The following ZBTB40 variants were observed in gnomAD, a reference collection of about 807,000 sequenced individuals.
The protein encoded by ZBTB40 is zinc finger and BTB domain containing 40, also known as zinc finger and BTB domain-containing protein 40.
Under a neutral mutation model 117.5 loss-of-function variants are expected in ZBTB40, and 60 were observed. That is an observed-to-expected ratio of 0.51 (90% CI 0.41 to 0.63). The LOEUF is 0.63. Ranked by LOEUF, ZBTB40 falls within the 30% of genes least tolerant of loss-of-function variation. The pLI, the probability that ZBTB40 is intolerant of heterozygous loss-of-function variation, is 0.00. For missense variants in ZBTB40, 1,287 were observed against 1,498.5 expected, an observed-to-expected ratio of 0.86 and a Z score of 2.33; for synonymous variants, 525 against 577.1, an observed-to-expected ratio of 0.91 and a Z score of 1.29.
chr1:22,433,663 C>A (rs1640632330), intron 1 of ZBTB40, among the ~76,000 whole-genome samples: 1 of 144,750 alleles, frequency 6.9e-6, no homozygotes, highest in Non-Finnish European at 1.5e-5. Flanking sequence ...CCCTGTAGTC[C>A]TAGAACTAAC....
Position 22,471,722 on chromosome 1 carries a change from C to T in ZBTB40, c.-69-18158C>T, listed in dbSNP as rs562397781. On this transcript the variant is annotated intron_variant, in intron 1 of 17. Transcript: ENST00000375647. ...TTAATCACCTCCTATTCACCCCATC[C>T]GAAGAGAGAGGGATTTCCACTGTAG... 6.6e-5 allele frequency among the ~76,000 whole-genome samples: 10 copies of T among 152,242 alleles called. No homozygotes were observed. The East Asian group carries it at 9.6e-4, about 15-fold the overall frequency.
chr1:22,521,865 A>C (rs1412107401), intron 15 of ZBTB40, among the ~76,000 whole-genome samples: 1 of 152,172 alleles, frequency 6.6e-6, no homozygotes, highest in Non-Finnish European at 1.5e-5. Flanking sequence ...AGCGTAGCGC[A>C]GTGTAAGCTC....
intron 3 of ZBTB40, among the ~76,000 whole-genome samples, chr1:22,497,758 G>C (rs1053709941): frequency 3.9e-5 from 6 of 152,140 alleles, no homozygotes; most frequent in Admixed American, 2.0e-4. Context: ...GGTGAAAGGG[G>C]TGCCAGCTAC....
At chr1:22,454,254 C>T (rs189486665) in intron 1 of ZBTB40, among the ~76,000 whole-genome samples, 8 of 152,244 alleles carry the variant, frequency 5.3e-5, no homozygotes, top group African/African-American at 1.7e-4. Context: ...CGCCCGGCCT[C>T]GAACAAATAT....
chr1:22,453,995 G>A (rs1640945719), intron 1 of ZBTB40, among the ~76,000 whole-genome samples: 1 of 152,036 alleles, frequency 6.6e-6, no homozygotes, highest in African/African-American at 2.4e-5. Context: ...TGTTGCCCAG[G>A]CTGGAGTGCA....
intron 2 of ZBTB40, among the ~76,000 whole-genome samples, 198 bp downstream of exon 2, chr1:22,490,843 A>G (rs1198266475): frequency 6.6e-6 from 1 of 152,200 alleles, no homozygotes; most frequent in East Asian, 1.9e-4. Flanking sequence ...AGAGCAGAAA[A>G]GCAGTATTGG....
At chr1:22,442,951 T>A (rs1640750478) in intron 1 of ZBTB40, among the ~76,000 whole-genome samples, 1 of 152,202 alleles carries the variant, frequency 6.6e-6, no homozygotes. Flanking sequence ...TTACTACATC[T>A]TCCAGTTGTA....
intron 1 of ZBTB40, among the ~76,000 whole-genome samples, chr1:22,472,449 G>A (rs1474340150): frequency 6.6e-6 from 1 of 152,198 alleles, no homozygotes; most frequent in Non-Finnish European, 1.5e-5. Context: ...GCCTCCCAAA[G>A]TGTTGGGATT....
At chr1:22,489,105 A>T (rs1477345291) in intron 1 of ZBTB40, among the ~76,000 whole-genome samples, 2 of 152,302 alleles carry the variant, frequency 1.3e-5, no homozygotes, top group Admixed American at 1.3e-4. Flanking sequence ...CGTTTCAGAA[A>T]CCAGGTTCCA....
At position 22,512,046 on chromosome 1, in the gene ZBTB40, A is replaced by G; in HGVS notation, c.2373A>G (p.Ala791=). ...AACATCAGCTGGAGGCCCATGGTGC[A>G]GGTGGAGAGCCCGATGCCCCCAAGA... ...LDKHQLEAHG[A]GGEPDAPKKK... is the part of the protein sequence containing the mutation. The change falls in exon 11 of 18, where the codon GCA becomes GCG. Residue 791 remains alanine (A), a synonymous_variant. Transcript: ENST00000375647. 1.2e-6 allele frequency: 2 copies of G among 1,614,148 alleles called. No individual in the cohort carries two copies. The highest frequency in any genetic ancestry group is 1.7e-6 in the Non-Finnish European group (2 of 1,180,040).
In ZBTB40 at chr1:22,495,243, C is replaced by T. The variant is rs146369327; in HGVS notation, c.831+3710C>T. Among the ~76,000 whole-genome samples the T allele has an allele frequency of 3.2e-4, 49 of 152,212 alleles. No individual in the cohort carries two copies. In the East Asian group the frequency reaches 8.7e-3, roughly 27 times the overall value. The stretch of plus-strand genomic sequence containing the variant: ...GGTGGCAAAGCCATTCCCTGAACAG[C>T]GATTGCAGCAACATGAGAAGAAGCT... On this transcript the variant is annotated intron_variant, in intron 3 of 17. Coordinates refer to ENST00000375647, the MANE Select transcript of ZBTB40 (RefSeq NM_014870.4).
intron 1 of ZBTB40, among the ~76,000 whole-genome samples, chr1:22,464,363 G>A (rs1047087020): frequency 1.3e-5 from 2 of 152,304 alleles, no homozygotes; most frequent in South Asian, 2.1e-4. Flanking sequence ...CATTACATGG[G>A]CAGTAATTTA....
chr1:22,499,649 G>A (rs1638872400), intron 3 of ZBTB40, among the ~76,000 whole-genome samples: 1 of 152,182 alleles, frequency 6.6e-6, no homozygotes, highest in Non-Finnish European at 1.5e-5. Context: ...ATTAAACTGT[G>A]TTTTGTCTAT....
intron 7 of ZBTB40, 75 bp downstream of exon 7, chr1:22,508,212 A>T: frequency 6.7e-7 from 1 of 1,502,016 alleles, no homozygotes; most frequent in South Asian, 1.2e-5. Flanking sequence ...ACACACACAC[A>T]TTTATATTTT....
intron 1 of ZBTB40, 112 bp downstream of exon 1, chr1:22,452,116 C>G (rs1640889517): frequency 6.6e-6 from 1 of 152,384 alleles, no homozygotes; most frequent in Non-Finnish European, 1.5e-5. Flanking sequence ...GCGAACTCCG[C>G]GGGACTCGGC....
chr1:22,511,529 A>T, intron 10 of ZBTB40, 147 bp from the exon 11 acceptor site: 1 of 1,239,370 alleles, frequency 8.1e-7, no homozygotes, highest in Non-Finnish European at 1.1e-6. Flanking sequence ...TGTTTATTGG[A>T]AAGTAAGGAG....
intron 1 of ZBTB40, among the ~76,000 whole-genome samples, chr1:22,454,608 T>A (rs895725649): frequency 1.3e-5 from 2 of 152,140 alleles, no homozygotes; most frequent in Non-Finnish European, 2.9e-5. Context: ...GTTCAGAGAC[T>A]AAGGTGGGTA....
intron 10 of ZBTB40, 40 bp from the exon 11 acceptor site, chr1:22,511,630 TAGAAAC>T (rs1373382043): frequency 1.1e-5 from 17 of 1,594,040 alleles, no homozygotes; most frequent in Admixed American, 1.8e-5. Context: ...TAAAGCAAAA[TAGAAAC>T]AGAGAGTTCG....
At chr1:22,477,829 G>A (rs1158902073) in intron 1 of ZBTB40, among the ~76,000 whole-genome samples, 6 of 152,152 alleles carry the variant, frequency 3.9e-5, no homozygotes, top group Admixed American at 1.3e-4. Flanking sequence ...ATTAACAGGC[G>A]TGAGCCAGCG....
Sources: allele counts gnomAD v4.1 joint callset (sites outside exome capture counted in the v4.1 genomes callset), GRCh38; gene constraint gnomAD v4.1.1; transcripts MANE v1.5; gene names NCBI Gene and HGNC (gene_info 2026-07-23, HGNC 2026-07-21).